Variants in FLRT2 observed in about 807,000 individuals in gnomAD.
FLRT2 encodes leucine-rich repeat transmembrane protein FLRT2.
In FLRT2, 15 loss-of-function variants were observed where a neutral mutation model predicts 40.0. The ratio of observed to expected loss-of-function variants is 0.38; its 90% CI spans 0.25 to 0.58. The LOEUF (loss-of-function observed/expected upper bound fraction) is 0.58, where lower values mean the gene tolerates loss of function less well. FLRT2 is among the 20% of genes least tolerant of loss of function. The pLI is 0.71. For synonymous variants in FLRT2, 380 were observed against 336.8 expected, an observed-to-expected ratio of 1.13 and a Z score of -1.41; for missense variants, 726 against 840.0, an observed-to-expected ratio of 0.86 and a Z score of 1.68.
At position 85,638,935 on chromosome 14, in the gene FLRT2, C is replaced by A. The variant is rs1310033302; in HGVS notation, c.*15438C>A. ...GTGCAAAAAAGCAAACAAAAGTTAGCTAATAATCAATTCTTTGAACGAAGC... is the reference window on the plus strand; with the variant it reads ...GTGCAAAAAAGCAAACAAAAGTTAGATAATAATCAATTCTTTGAACGAAGC... On this transcript the variant is annotated 3_prime_UTR_variant, in exon 2 of 2. Coordinates refer to ENST00000330753, the MANE Select transcript of FLRT2 (RefSeq NM_013231.6). 6.6e-6 allele frequency: 1 copy of A among 152,100 alleles called. No individual in the cohort carries two copies. Among genetic ancestry groups the A allele is most frequent in the Non-Finnish European group, 1.5e-5 (1 of 68,022 alleles). 9.4% of individuals were successfully genotyped at this position (152,100 alleles called of 1,614,324 possible).
chr14:85,541,916 C>T (rs1238103654), intron 1 of FLRT2, among the ~76,000 whole-genome samples: 1 of 152,126 alleles, frequency 6.6e-6, no homozygotes, highest in East Asian at 1.9e-4. Context: ...CTCAGTGAGC[C>T]ATGGTTATGT....
chr14:85,597,059 G>T (rs1476297520), intron 1 of FLRT2, among the ~76,000 whole-genome samples: 4 of 152,162 alleles, frequency 2.6e-5, no homozygotes, highest in African/African-American at 9.7e-5. Context: ...TGCTATCCAA[G>T]TTTGGATCAA....
intron 1 of FLRT2, among the ~76,000 whole-genome samples, chr14:85,586,377 A>G (rs960036368): frequency 1.3e-5 from 2 of 152,112 alleles, no homozygotes; most frequent in African/African-American, 4.8e-5. Flanking sequence ...GACAATACTG[A>G]TATAAGAAAC....
chr14:85,578,164 A>T (rs1455909097), intron 1 of FLRT2, among the ~76,000 whole-genome samples: 1 of 137,102 alleles, frequency 7.3e-6, no homozygotes, highest in East Asian at 2.1e-4. Context: ...AAATATCTTT[A>T]TATATAAAAA....
intron 1 of FLRT2, chr14:85,559,423 AC>A (rs1449567852): frequency 7.2e-5 from 11 of 152,208 alleles, no homozygotes; most frequent in Non-Finnish European, 1.5e-4. Context: ...GCAGTAAGTA[AC>A]CACTTTGGGA....
At chr14:85,609,785 C>G (rs1374683012) in intron 1 of FLRT2, among the ~76,000 whole-genome samples, 2 of 152,248 alleles carry the variant, frequency 1.3e-5, no homozygotes, top group Non-Finnish European at 2.9e-5. Flanking sequence ...GTGAGTCACA[C>G]AGCCCAGGCA....
Position 85,622,774 on chromosome 14 carries a change from T to C in FLRT2, c.1260T>C (p.Pro420=), listed in dbSNP as rs759363366. The C allele has an allele frequency of 8.1e-6, 13 of 1,614,020 alleles. No individual in the cohort carries two copies. In the South Asian group the frequency reaches 1.1e-4, roughly 14 times the overall value. ...ATGGCAGAGAAAGAGTGACCCCACC[T>C]ATTTCTGAACGGATCCAGCTCTCTA... ...DWDGRERVTP[P]ISERIQLSIH... Residue 420 remains proline, a synonymous_variant, in exon 2 of 2, where the codon CCT becomes CCC. Transcript: ENST00000330753.
intron 1 of FLRT2, among the ~76,000 whole-genome samples, chr14:85,566,929 G>A (rs987842418): frequency 1.3e-5 from 2 of 152,114 alleles, no homozygotes; most frequent in Non-Finnish European, 2.9e-5. Context: ...GAACTTTGAG[G>A]CAGTATTAAT....
chr14:85,564,566 G>T (rs1235165335), intron 1 of FLRT2, among the ~76,000 whole-genome samples: 1 of 152,120 alleles, frequency 6.6e-6, no homozygotes, highest in Non-Finnish European at 1.5e-5. Context: ...TTTGACATTG[G>T]CAAAAGGGCT....
At chr14:85,556,619 G>A (rs1244592599) in intron 1 of FLRT2, among the ~76,000 whole-genome samples, 1 of 152,180 alleles carries the variant, frequency 6.6e-6, no homozygotes, top group East Asian at 1.9e-4. Context: ...CTGGCTAACT[G>A]TAGACAAGTT....
chr14:85,626,497 A>G lies in FLRT2; in HGVS notation c.*3000A>G, dbSNP rs750611248. 10 of 167,112 alleles carry G rather than the reference A, an allele frequency of 6.0e-5. No individual in the cohort carries two copies. The highest frequency in any genetic ancestry group is 1.2e-4 in the Non-Finnish European group (8 of 68,122). The allele number at this position is 167,112 out of a possible 1,614,324, so 10.4% of individuals were successfully genotyped here. A position where few individuals can be genotyped will look rare whatever the true frequency, so the allele number is the denominator to read the frequency against. On this transcript the variant is annotated 3_prime_UTR_variant, in exon 2 of 2. Coordinates refer to ENST00000330753, the MANE Select transcript of FLRT2 (RefSeq NM_013231.6). ...TGGTAAATGTCACTGTACAGAAGACATTGAAAAGGAAGAGGCATAGTCATG... is the reference window on the plus strand; with the variant it reads ...TGGTAAATGTCACTGTACAGAAGACGTTGAAAAGGAAGAGGCATAGTCATG...
chr14:85,607,615 A>G (rs938329527), intron 1 of FLRT2, among the ~76,000 whole-genome samples: 1 of 152,206 alleles, frequency 6.6e-6, no homozygotes, highest in African/African-American at 2.4e-5. Context: ...AATGTCCAGA[A>G]GAAGGACTTG....
chr14:85,567,823 T>G (rs1243968759), intron 1 of FLRT2, among the ~76,000 whole-genome samples: 1 of 151,914 alleles, frequency 6.6e-6, no homozygotes, highest in Non-Finnish European at 1.5e-5. Context: ...GTATTTTTAG[T>G]AGAGACGGGG....
chr14:85,559,619 T>C lies in FLRT2; in HGVS notation c.-377+29085T>C, dbSNP rs181137850. ...AATATATCTACCCATGATTATACGTTGTCTATAAAGCCCCTTCACACTTTT... is the reference window on the plus strand; with the variant it reads ...AATATATCTACCCATGATTATACGTCGTCTATAAAGCCCCTTCACACTTTT... On this transcript the variant is annotated intron_variant, in intron 1 of 1. Coordinates refer to ENST00000330753, the MANE Select transcript of FLRT2 (RefSeq NM_013231.6). 9.0e-4 allele frequency among the ~76,000 whole-genome samples: 137 copies of C among 152,296 alleles called. 4 individuals carry two copies. In the South Asian group the frequency reaches 0.02, roughly 23 times the overall value.
chr14:85,557,537 G>A (rs370912614), intron 1 of FLRT2, among the ~76,000 whole-genome samples: 25 of 152,282 alleles, frequency 1.6e-4, no homozygotes, highest in East Asian at 5.8e-4. Context: ...ACGGCAAGGC[G>A]CGGTGGCTCA....
rs1893585951 is a variant in FLRT2 at position 85,624,562 on chromosome 14, A to T, written c.*1065A>T. On this transcript the variant is annotated 3_prime_UTR_variant, in exon 2 of 2. Transcript: ENST00000330753. ...AAAACAACTGATCAGTGGTTCTGTTATGTCAGCTGACTTTGTTAGTATCAT... is the reference window on the plus strand; with the variant it reads ...AAAACAACTGATCAGTGGTTCTGTTTTGTCAGCTGACTTTGTTAGTATCAT... The T allele has an allele frequency of 6.0e-6, 1 of 167,062 alleles. No individual in the cohort carries two copies. The highest frequency in any genetic ancestry group is 6.5e-5 in the Admixed American group (1 of 15,294). The allele number at this position is 167,062 out of a possible 1,614,324, so 10.3% of individuals were successfully genotyped here.
chr14:85,640,539 G>T lies in FLRT2; in HGVS notation c.*17042G>T, dbSNP rs1894127339. The T allele has an allele frequency of 6.6e-6, 1 of 152,114 alleles. No individual in the cohort carries two copies. The highest frequency in any genetic ancestry group is 1.5e-5 in the Non-Finnish European group (1 of 68,018). The allele number at this position is 152,114 out of a possible 1,614,324, so 9.4% of individuals were successfully genotyped here. A position where few individuals can be genotyped will look rare whatever the true frequency, so the allele number is the denominator to read the frequency against. On this transcript the variant is annotated 3_prime_UTR_variant, in exon 2 of 2. Transcript: ENST00000330753. ...AGCCAGAAGCAAATTAGGAGACACAGAATTATTTAATAATAATGGTAATAA... is the reference window on the plus strand; with the variant it reads ...AGCCAGAAGCAAATTAGGAGACACATAATTATTTAATAATAATGGTAATAA...
chr14:85,567,476 ACTT>A (rs1434966921), intron 1 of FLRT2, among the ~76,000 whole-genome samples: 1 of 152,088 alleles, frequency 6.6e-6, no homozygotes, highest in East Asian at 1.9e-4. Flanking sequence ...TAGCTCTGCC[ACTT>A]CTTCAGGAGC....
chr14:85,576,831 T>C (rs1056987194), intron 1 of FLRT2, among the ~76,000 whole-genome samples: 1 of 152,194 alleles, frequency 6.6e-6, no homozygotes, highest in Non-Finnish European at 1.5e-5. Flanking sequence ...TGAAAGAGCA[T>C]TGACATTCAG....
Sources: gnomAD v4.1 joint callset for allele counts (sites outside exome capture counted in the v4.1 genomes callset) on GRCh38, gnomAD v4.1.1 for gene constraint, MANE v1.5 for transcripts, NCBI Gene and HGNC (gene_info 2026-07-23, HGNC 2026-07-21) for gene names.